Variants in ZNF26 observed in about 807,000 individuals in gnomAD.
ZNF26 encodes zinc finger protein 26, also known as epididymis luminal protein 179.
Under a neutral mutation model 54.9 loss-of-function variants are expected in ZNF26, and 32 were observed. That is an observed-to-expected ratio of 0.58 (90% CI 0.44 to 0.78). The LOEUF (loss-of-function observed/expected upper bound fraction) is 0.78, where lower values mean the gene tolerates loss of function less well. Among genes scored for constraint, ZNF26 ranks in the 30% least tolerant of loss-of-function variants. ZNF26 has a pLI of 0.00. For missense variants in ZNF26, 524 were observed against 634.0 expected (o/e 0.83, Z 1.86); for synonymous variants, 221 against 209.2 (o/e 1.06, Z -0.49).
rs1953566111 is a variant in ZNF26 at position 133,016,340 on chromosome 12, T to G, written c.*4859T>G. 6.6e-6 allele frequency: 1 copy of G among 151,774 alleles called. No homozygotes were observed. The highest frequency in any genetic ancestry group is 1.5e-5 in the Non-Finnish European group (1 of 67,986). The allele number at this position is 151,774 out of a possible 1,614,324, so 9.4% of individuals were successfully genotyped here. A position where few individuals can be genotyped will look rare whatever the true frequency, so the allele number is the denominator to read the frequency against. On this transcript the variant is annotated 3_prime_UTR_variant, in exon 4 of 4. Coordinates refer to ENST00000328654, the MANE Select transcript of ZNF26 (RefSeq NM_019591.4). ...CACCCGCCTTGGCCTCCCAAAGTGC[T>G]AGGATTACAGGCATGAGCCATCGTA...
At chr12:132,988,576 C>A (rs1296941927) in intron 1 of ZNF26, among the ~76,000 whole-genome samples, 2 of 152,100 alleles carry the variant, frequency 1.3e-5, no homozygotes, top group Non-Finnish European at 2.9e-5. Context: ...TTCATTCTCC[C>A]AAATGTATTC....
In ZNF26 at chr12:133,018,329, A is replaced by G. The variant is rs1023198647; in HGVS notation, c.*6848A>G. 1 of 152,322 alleles carries G rather than the reference A, an allele frequency of 6.6e-6. No individual in the cohort carries two copies. Among genetic ancestry groups the G allele is most frequent in the Admixed American group, 6.5e-5 (1 of 15,290 alleles). 9.4% of individuals were successfully genotyped at this position (152,322 alleles called of 1,614,324 possible). Reference sequence around the variant, plus strand: ...GTGTTGTTGCATTTGTAACATAGATATATATATCAATACCAGCACAAAAGT... The same window carrying G: ...GTGTTGTTGCATTTGTAACATAGATGTATATATCAATACCAGCACAAAAGT... On this transcript the variant is annotated 3_prime_UTR_variant, in exon 4 of 4. Transcript: ENST00000328654.
Position 133,007,549 on chromosome 12 carries a change from G to A in ZNF26, c.256+17G>A. The A allele has an allele frequency of 6.3e-7, 1 of 1,594,182 alleles. No homozygotes were observed. The highest frequency in any genetic ancestry group is 8.6e-7 in the Non-Finnish European group (1 of 1,164,654). On this transcript the variant is annotated intron_variant, in intron 3 of 3. Transcript: ENST00000328654. ...GCTGTCCAGGTGGGTGAGTGAGAAA[G>A]AGGAAGGTGGGAGGCATGGGAGTGA...
At chr12:132,990,950 C>T (rs1487789813) in intron 1 of ZNF26, among the ~76,000 whole-genome samples, 2 of 151,848 alleles carry the variant, frequency 1.3e-5, no homozygotes, top group Non-Finnish European at 1.5e-5. Context: ...CCTCTGCCTC[C>T]CAGGTTCAAG....
Position 133,011,060 on chromosome 12 carries a change from G to C in ZNF26, c.1181G>C (p.Gly394Ala). The C allele has an allele frequency of 6.2e-7, 1 of 1,614,154 alleles. No homozygotes were observed. Among genetic ancestry groups the C allele is most frequent in the Non-Finnish European group, 8.5e-7 (1 of 1,180,016 alleles). The change falls in exon 4 of 4, where the codon GGA (glycine) becomes GCA (alanine). Residue 394 changes from glycine to alanine, a missense_variant. Coordinates refer to ENST00000328654, the MANE Select transcript of ZNF26 (RefSeq NM_019591.4). ...ACTGCACATCTGAGAGCTCATGCAG[G>C]AGAGAAGCCCTATGGATGCAGTGAA... ...QLTAHLRAHA[G>A]EKPYGCSECG...
rs980547187 is a variant in ZNF26 at position 133,008,459 on chromosome 12, C to A, written c.256+927C>A. Among the ~76,000 whole-genome samples the A allele has an allele frequency of 3.9e-5, 6 of 152,200 alleles. No homozygotes were observed. In the South Asian group the frequency reaches 1.2e-3, roughly 32 times the overall value. Reference sequence around the variant, plus strand: ...TCCTCAACTCCAGACATGTGTTAGGCCATTCTTTCATTGCTATAAAGAAAT... The same window carrying A: ...TCCTCAACTCCAGACATGTGTTAGGACATTCTTTCATTGCTATAAAGAAAT... On this transcript the variant is annotated intron_variant, in intron 3 of 3. Transcript: ENST00000328654.
At chr12:133,007,817 T>C (rs1281640154) in intron 3 of ZNF26, among the ~76,000 whole-genome samples, 1 of 152,232 alleles carries the variant, frequency 6.6e-6, no homozygotes, top group Non-Finnish European at 1.5e-5. Flanking sequence ...CCCATGGTCA[T>C]GGGTTTTATT....
Position 133,007,026 on chromosome 12 carries a change from G to A in ZNF26, c.34-16G>A. ...ATGTAATTGCATCCAATTGAACAGG[G>A]TGTGTGTTATTTCAGGGATTATTGT... On this transcript the variant is annotated splice_polypyrimidine_tract_variant and intron_variant, in intron 1 of 3. Transcript: ENST00000328654. 6.2e-7 allele frequency: 1 copy of A among 1,614,016 alleles called. No homozygotes were observed. The highest frequency in any genetic ancestry group is 8.5e-7 in the Non-Finnish European group (1 of 1,179,936).
At position 133,011,083 on chromosome 12, in the gene ZNF26, G is replaced by GA; in HGVS notation, c.1206dup (p.Cys403MetfsTer15). On this transcript the variant is annotated frameshift_variant, in exon 4 of 4. Coordinates refer to ENST00000328654, the MANE Select transcript of ZNF26 (RefSeq NM_019591.4). LOFTEE classifies it high-confidence loss of function. The stretch of plus-strand genomic sequence containing the variant: ...AGGAGAGAAGCCCTATGGATGCAGT[G>GA]AATGTGGGAAGGCTTTCAGCAGCAA... The GA allele has an allele frequency of 6.2e-7, 1 of 1,614,172 alleles. No individual in the cohort carries two copies. The highest frequency in any genetic ancestry group is 8.5e-7 in the Non-Finnish European group (1 of 1,180,020).
intron 1 of ZNF26, among the ~76,000 whole-genome samples, chr12:132,996,221 A>G (rs1304083736): frequency 6.6e-6 from 1 of 152,162 alleles, no homozygotes; most frequent in African/African-American, 2.4e-5. Flanking sequence ...CAGATGTCCC[A>G]TGGGGAAAAC....
intron 1 of ZNF26, among the ~76,000 whole-genome samples, chr12:132,995,759 C>T (rs946729763): frequency 7.9e-5 from 12 of 152,118 alleles, no homozygotes; most frequent in African/African-American, 2.9e-4. Flanking sequence ...TCAAGCAATT[C>T]TTCTGCCTCA....
chr12:133,002,715 A>C (rs1343498920), intron 1 of ZNF26, among the ~76,000 whole-genome samples: 1 of 151,596 alleles, frequency 6.6e-6, no homozygotes, highest in South Asian at 2.1e-4. Context: ...CCTCCACCTC[A>C]TGGGTTCAAG....
rs1387108096 is a variant in ZNF26 at position 133,023,732 on chromosome 12, T to C, written c.*12251T>C. On this transcript the variant is annotated 3_prime_UTR_variant, in exon 4 of 4. Coordinates refer to ENST00000328654, the MANE Select transcript of ZNF26 (RefSeq NM_019591.4). ...TCTTGCCCCATCCTTTGAGTTTTGT[T>C]GGCTTGTGAGTCACTTGTAGCCAAA... 2.0e-4 allele frequency: 31 copies of C among 152,236 alleles called. No homozygotes were observed. Among genetic ancestry groups the C allele is most frequent in the Admixed American group, 2.0e-3 (31 of 15,274 alleles). 9.4% of individuals were successfully genotyped at this position (152,236 alleles called of 1,614,324 possible).
At chr12:132,989,028 ATTTTTTTTTTT>A (rs150395603) in intron 1 of ZNF26, among the ~76,000 whole-genome samples, 10 of 78,850 alleles carry the variant, frequency 1.3e-4, no homozygotes, top group Admixed American at 7.7e-4. Flanking sequence ...CTTTCGGTGA[ATTTTTTTTTTT>A]TTTTTTTTTT....
At position 133,023,268 on chromosome 12, in the gene ZNF26, T is replaced by C. The variant is rs1953664244; in HGVS notation, c.*11787T>C. ...AAGCAAGACTGAATAAAATCAACAA[T>C]AAATAACAAAATTGAATTGGAGTAT... is the stretch of plus-strand genomic sequence containing the variant. On this transcript the variant is annotated 3_prime_UTR_variant, in exon 4 of 4. Transcript: ENST00000328654. The C allele has an allele frequency of 1.3e-5, 2 of 152,270 alleles. No individual in the cohort carries two copies. The highest frequency in any genetic ancestry group is 2.9e-5 in the Non-Finnish European group (2 of 68,002). The allele number at this position is 152,270 out of a possible 1,614,324, so 9.4% of individuals were successfully genotyped here. A position where few individuals can be genotyped will look rare whatever the true frequency, so the allele number is the denominator to read the frequency against.
At chr12:132,999,869 C>T (rs1431052089) in intron 1 of ZNF26, among the ~76,000 whole-genome samples, 3 of 151,856 alleles carry the variant, frequency 2.0e-5, no homozygotes, top group Non-Finnish European at 2.9e-5. Flanking sequence ...AGGGTTTCAC[C>T]ATGTTGGTCA....
chr12:132,986,459 T>G lies in ZNF26; in HGVS notation c.-382T>G. ...TGGCCAGCGGGTGTACCTGGCTGAG[T>G]CTCTGTGGCCGCGGAGGCGCGGAGC... On this transcript the variant is annotated 5_prime_UTR_variant, in exon 1 of 4. Transcript: ENST00000328654. 1.3e-5 allele frequency: 3 copies of G among 239,696 alleles called. No individual in the cohort carries two copies. Among genetic ancestry groups the G allele is most frequent in the Admixed American group, 5.1e-5 (1 of 19,454 alleles). The allele number at this position is 239,696 out of a possible 1,614,324, so 14.8% of individuals were successfully genotyped here. A position where few individuals can be genotyped will look rare whatever the true frequency, so the allele number is the denominator to read the frequency against.
Position 133,018,019 on chromosome 12 carries a change from A to C in ZNF26, c.*6538A>C, listed in dbSNP as rs1431187047. The C allele has an allele frequency of 6.6e-6, 1 of 152,288 alleles. No homozygotes were observed. Among genetic ancestry groups the C allele is most frequent in the Non-Finnish European group, 1.5e-5 (1 of 68,072 alleles). 9.4% of individuals were successfully genotyped at this position (152,288 alleles called of 1,614,324 possible). ...GTGAGACTCCGTCTCAATAACAGCAACAAAAAAAGCAATTATATAAAACAA... is the reference window on the plus strand; with the variant it reads ...GTGAGACTCCGTCTCAATAACAGCACCAAAAAAAGCAATTATATAAAACAA... On this transcript the variant is annotated 3_prime_UTR_variant, in exon 4 of 4. Transcript: ENST00000328654.
rs1329768355 is a variant in ZNF26, at chr12:133,022,483, C to CATAT, written c.*11003_*11004insTATA. The CATAT allele has an allele frequency of 1.3e-5, 2 of 151,726 alleles. No individual in the cohort carries two copies. The highest frequency in any genetic ancestry group is 2.4e-5 in the African/African-American group (1 of 41,284). 9.4% of individuals were successfully genotyped at this position (151,726 alleles called of 1,614,324 possible). On this transcript the variant is annotated 3_prime_UTR_variant, in exon 4 of 4. Coordinates refer to ENST00000328654, the MANE Select transcript of ZNF26 (RefSeq NM_019591.4). ...GAACAGAACTTAATATACACACATACAAAGTATAAGTAAAACTGGGGAAAT... is the reference window on the plus strand; with the variant it reads ...GAACAGAACTTAATATACACACATACATATAAAGTATAAGTAAAACTGGGGAAAT...
Sources: gnomAD v4.1 joint callset for allele counts (sites outside exome capture counted in the v4.1 genomes callset) on GRCh38, gnomAD v4.1.1 for gene constraint, MANE v1.5 for transcripts, NCBI Gene and HGNC (gene_info 2026-07-23, HGNC 2026-07-21) for gene names.